The following MAP2K1 variants were observed in gnomAD, a reference collection of about 807,000 sequenced individuals.
The protein encoded by MAP2K1 is mitogen-activated protein kinase kinase 1, also known as dual specificity mitogen-activated protein kinase kinase 1.
MAP2K1 carries 16 observed loss-of-function variants against 46.3 expected under a neutral mutation model. That is an observed-to-expected ratio of 0.35 (90% CI 0.23 to 0.52). The LOEUF is 0.52. Ranked by LOEUF, MAP2K1 falls within the 20% of genes least tolerant of loss-of-function variation. The pLI, the probability that MAP2K1 is intolerant of heterozygous loss-of-function variation, is 0.94. For synonymous variants in MAP2K1, 183 were observed against 185.6 expected (o/e 0.99, Z 0.11); for missense variants, 263 against 497.1 (o/e 0.53, Z 4.48).
chr15:66,391,691 C>T (rs996701702), intron 1 of MAP2K1, among the ~76,000 whole-genome samples: 4 of 152,174 alleles, frequency 2.6e-5, no homozygotes, highest in East Asian at 1.9e-4. Context: ...ATTTGCACAA[C>T]GGGTTTAATA....
At chr15:66,428,938 C>T (rs2093467451) in intron 1 of MAP2K1, among the ~76,000 whole-genome samples, 1 of 151,860 alleles carries the variant, frequency 6.6e-6, no homozygotes, top group African/African-American at 2.4e-5. Context: ...CGCCACCACG[C>T]CTGGCTAATT....
At chr15:66,393,502 G>A (rs1043399803) in intron 1 of MAP2K1, among the ~76,000 whole-genome samples, 2 of 152,106 alleles carry the variant, frequency 1.3e-5, no homozygotes, top group African/African-American at 2.4e-5. Flanking sequence ...AAACAATACC[G>A]TTAATCCAGT....
intron 5 of MAP2K1, among the ~76,000 whole-genome samples, chr15:66,452,601 A>G (rs1213604208): frequency 6.6e-6 from 1 of 152,228 alleles, no homozygotes; most frequent in Non-Finnish European, 1.5e-5. Flanking sequence ...GCAGTCTACC[A>G]CTATGCAAGG....
At chr15:66,428,701 C>T (rs1005803547) in intron 1 of MAP2K1, among the ~76,000 whole-genome samples, 1 of 151,954 alleles carries the variant, frequency 6.6e-6, no homozygotes, top group Non-Finnish European at 1.5e-5. Flanking sequence ...TAGTTACTTC[C>T]CCCTGAAGGG....
chr15:66,422,305 A>G (rs928900480), intron 1 of MAP2K1, among the ~76,000 whole-genome samples: 1 of 152,164 alleles, frequency 6.6e-6, no homozygotes, highest in Non-Finnish European at 1.5e-5. Flanking sequence ...GATACCTATA[A>G]GTGTGTGTGA....
intron 1 of MAP2K1, among the ~76,000 whole-genome samples, chr15:66,428,373 A>G (rs1030000086): frequency 6.7e-6 from 1 of 150,096 alleles, no homozygotes. Context: ...TCATGTGATT[A>G]TGGAGGTCTG....
intron 1 of MAP2K1, among the ~76,000 whole-genome samples, chr15:66,392,659 T>C (rs1479492168): frequency 6.6e-6 from 1 of 151,636 alleles, no homozygotes; most frequent in African/African-American, 2.4e-5. Context: ...GTTCAAGCTA[T>C]TCTCCTGCCT....
chr15:66,443,234 A>G, intron 3 of MAP2K1, 46 bp from the exon 4 acceptor site: 1 of 1,227,382 alleles, frequency 8.1e-7, no homozygotes, highest in Non-Finnish European at 1.2e-6. Flanking sequence ...ACTTGAAAGA[A>G]TAGTTAGAAC....
chr15:66,391,676 C>G (rs962702484), intron 1 of MAP2K1, among the ~76,000 whole-genome samples: 2 of 152,208 alleles, frequency 1.3e-5, no homozygotes, highest in African/African-American at 2.4e-5. Context: ...AATGAAATTT[C>G]TAATATTTGC....
chr15:66,393,755 G>A (rs2093361842), intron 1 of MAP2K1, among the ~76,000 whole-genome samples: 1 of 152,164 alleles, frequency 6.6e-6, no homozygotes, highest in Admixed American at 6.6e-5. Flanking sequence ...TGTAGGTTGG[G>A]CACATTCTTA....
intron 3 of MAP2K1, among the ~76,000 whole-genome samples, 198 bp from the exon 4 acceptor site, chr15:66,443,082 A>ATTTTTTTTTTTTTTTTTTTT (rs398027713): frequency 1.1e-5 from 1 of 91,064 alleles, no homozygotes; most frequent in Non-Finnish European, 2.0e-5. Flanking sequence ...TTGTGTGTGT[A>ATTTTTTTTTTTTTTTTTTTT]TTTTTTTTTT....
chr15:66,411,749 A>T (rs1032821574), intron 1 of MAP2K1, among the ~76,000 whole-genome samples: 22 of 152,258 alleles, frequency 1.4e-4, no homozygotes, highest in Non-Finnish European at 2.8e-4. Flanking sequence ...CTAACCAAGG[A>T]TAAGTCAGAA....
intron 5 of MAP2K1, among the ~76,000 whole-genome samples, chr15:66,471,060 A>G (rs953057624): frequency 2.0e-5 from 3 of 152,190 alleles, no homozygotes; most frequent in Non-Finnish European, 2.9e-5. Flanking sequence ...AAAGGAGGCA[A>G]TCAGATACGC....
At chr15:66,416,682 G>A (rs535892675) in intron 1 of MAP2K1, among the ~76,000 whole-genome samples, 10 of 152,178 alleles carry the variant, frequency 6.6e-5, no homozygotes, top group South Asian at 4.1e-4. Context: ...CTTGGAATTT[G>A]GCTCCTTTTC....
chr15:66,478,313 GTA>G lies in MAP2K1; in HGVS notation c.569-3432_569-3431del, dbSNP rs201124366. On this transcript the variant is annotated intron_variant, in intron 5 of 10. Coordinates refer to ENST00000307102, the MANE Select transcript of MAP2K1 (RefSeq NM_002755.4). ...TACTATATATACCTGTATATATATA[GTA>G]TATATATATGTTATATATACACACA... is the stretch of plus-strand genomic sequence containing the variant. 9.3e-3 allele frequency among the ~76,000 whole-genome samples: 1,312 copies of G among 140,656 alleles called. 22 individuals carry two copies. Among genetic ancestry groups the G allele is most frequent in the East Asian group, 0.038 (185 of 4,906 alleles). 92.3% of individuals were successfully genotyped at this position (140,656 alleles called of 152,430 possible). A position where few individuals can be genotyped will look rare whatever the true frequency, so the allele number is the denominator to read the frequency against.
At chr15:66,478,458 GTATA>G (rs377507737) in intron 5 of MAP2K1, among the ~76,000 whole-genome samples, 2 of 119,842 alleles carry the variant, frequency 1.7e-5, no homozygotes, top group South Asian at 2.4e-4. Context: ...ATATATACAG[GTATA>G]TATATATATA....
chr15:66,395,433 C>T (rs1007409251), intron 1 of MAP2K1, among the ~76,000 whole-genome samples: 1 of 152,116 alleles, frequency 6.6e-6, no homozygotes, highest in Non-Finnish European at 1.5e-5. Flanking sequence ...TTCCGTTCAC[C>T]TGCTGTGGTC....
intron 5 of MAP2K1, among the ~76,000 whole-genome samples, chr15:66,448,422 T>C (rs537448993): frequency 8.7e-4 from 132 of 152,234 alleles, no homozygotes; most frequent in African/African-American, 3.0e-3. Flanking sequence ...AAACACTGCA[T>C]TGGGGGTAGA....
In MAP2K1 at chr15:66,435,985, C is replaced by T. The variant is rs530031877; in HGVS notation, c.291+748C>T. ...CTTCCCTTTCCTATCTACCCTTGGTCCTCTTTTGGAATACAGCCCCTTGCT... is the reference window on the plus strand; with the variant it reads ...CTTCCCTTTCCTATCTACCCTTGGTTCTCTTTTGGAATACAGCCCCTTGCT... On this transcript the variant is annotated intron_variant, in intron 2 of 10. Coordinates refer to ENST00000307102, the MANE Select transcript of MAP2K1 (RefSeq NM_002755.4). 3.3e-5 allele frequency among the ~76,000 whole-genome samples: 5 copies of T among 152,318 alleles called. No homozygotes were observed. The South Asian group carries it at 6.2e-4, about 19-fold the overall frequency.
Sources: allele counts gnomAD v4.1 joint callset (sites outside exome capture counted in the v4.1 genomes callset), GRCh38; gene constraint gnomAD v4.1.1; transcripts MANE v1.5; gene names NCBI Gene and HGNC (gene_info 2026-07-23, HGNC 2026-07-21).